TANC2: variants seen among roughly 807,000 people sequenced by gnomAD.
TANC2 encodes protein TANC2.
Under a neutral mutation model 210.5 loss-of-function variants are expected in TANC2, and 26 were observed. The ratio of observed to expected loss-of-function variants is 0.12; its 90% CI spans 0.09 to 0.17. The LOEUF is 0.17. Among genes scored for constraint, TANC2 ranks in the 10% least tolerant of loss-of-function variants. TANC2 has a pLI of 1.00. For synonymous variants in TANC2, 931 were observed against 967.1 expected (o/e 0.96, Z 0.69); for missense variants, 2,129 against 2,608.9 (o/e 0.82, Z 4.01).
chr17:63,131,772 A>G (rs1265318356), intron 4 of TANC2, among the ~76,000 whole-genome samples: 1 of 152,194 alleles, frequency 6.6e-6, no homozygotes, highest in East Asian at 1.9e-4. Flanking sequence ...GAGAACCTGC[A>G]CTTTGAACAA....
chr17:63,417,092 G>A (rs556669209), intron 26 of TANC2, among the ~76,000 whole-genome samples: 8 of 152,326 alleles, frequency 5.3e-5, no homozygotes, highest in African/African-American at 1.9e-4. Flanking sequence ...CAGGGAGAGG[G>A]TGACCCATAA....
Position 63,421,819 on chromosome 17 carries a change from A to C in TANC2, c.6089A>C (p.Asp2030Ala). Reference sequence around the variant, plus strand: ...GTCAGCCAGGCCTCCTCCTATCCCGACGTGAAGGTAGCTCGGACTCTACCT... The same window carrying C: ...GTCAGCCAGGCCTCCTCCTATCCCGCCGTGAAGGTAGCTCGGACTCTACCT... The change falls in exon 28 of 28, where the codon GAC becomes GCC. Residue 2030 changes from aspartate to alanine, a missense_variant. Asp to Ala is a moderately radical substitution (Grantham distance 126). Transcript: ENST00000689528. This position sits in a 1 kb window ranked among gnomAD's most constrained non-coding sequence, Gnocchi z 6.9. 6.2e-7 allele frequency: 1 copy of C among 1,613,984 alleles called. No individual in the cohort carries two copies. The highest frequency in any genetic ancestry group is 8.5e-7 in the Non-Finnish European group (1 of 1,179,888).
intron 3 of TANC2, among the ~76,000 whole-genome samples, chr17:63,080,329 A>G (rs570664426): frequency 1.3e-5 from 2 of 152,316 alleles, no homozygotes; most frequent in African/African-American, 2.4e-5. Flanking sequence ...TATGTAAGCA[A>G]CTTACTTGGT....
intron 5 of TANC2, among the ~76,000 whole-genome samples, chr17:63,169,712 G>T (rs1323068036): frequency 1.3e-5 from 2 of 152,130 alleles, no homozygotes; most frequent in African/African-American, 2.4e-5. Context: ...TACTTGGGAG[G>T]CTGAGGCAGG....
At chr17:63,049,142 A>T (rs192503236) in intron 2 of TANC2, among the ~76,000 whole-genome samples, 161 of 152,318 alleles carry the variant, frequency 1.1e-3, no homozygotes, top group African/African-American at 3.7e-3. Flanking sequence ...ATGCAAATTA[A>T]TTAATTCAAC....
Position 63,267,662 on chromosome 17 carries a change from C to T in TANC2, c.1034-86C>T, listed in dbSNP as rs535941602. ...ATATATTTTTTGGCTGGAGTAAGCCCTGATTCCAAAGTTCCGGAGATACAG... is the reference window on the plus strand; with the variant it reads ...ATATATTTTTTGGCTGGAGTAAGCCTTGATTCCAAAGTTCCGGAGATACAG... On this transcript the variant is annotated intron_variant, in intron 8 of 27. Transcript: ENST00000689528. 11 of 1,447,196 alleles carry T rather than the reference C, an allele frequency of 7.6e-6. 1 individual carries two copies. In the South Asian group the frequency reaches 1.1e-4, roughly 15 times the overall value. 89.6% of individuals were successfully genotyped at this position (1,447,196 alleles called of 1,614,324 possible).
chr17:63,365,795 C>G (rs1362462554), intron 14 of TANC2, among the ~76,000 whole-genome samples: 2 of 152,036 alleles, frequency 1.3e-5, no homozygotes, highest in African/African-American at 4.8e-5. Flanking sequence ...CAGATCTCAG[C>G]TTAAATGCCA....
intron 9 of TANC2, among the ~76,000 whole-genome samples, chr17:63,279,778 G>A (rs906193265): frequency 6.6e-6 from 1 of 152,076 alleles, no homozygotes; most frequent in Non-Finnish European, 1.5e-5. Flanking sequence ...TTCCCAAGGA[G>A]TCCCCCCCAC....
intron 2 of TANC2, 148 bp downstream of exon 2, chr17:63,009,774 T>A (rs745506631): frequency 7.6e-6 from 5 of 654,966 alleles, no homozygotes; most frequent in Non-Finnish European, 1.3e-5. Flanking sequence ...ATACGCTTTA[T>A]TAAGAGGTAG....
intron 1 of TANC2, among the ~76,000 whole-genome samples, chr17:62,981,633 A>G (rs1041395341): frequency 6.6e-6 from 1 of 152,144 alleles, no homozygotes; most frequent in Non-Finnish European, 1.5e-5. Context: ...ACTACCTTGA[A>G]TTAGGCCAGA....
At chr17:63,226,682 C>T (rs2145972823) in intron 7 of TANC2, among the ~76,000 whole-genome samples, 1 of 152,238 alleles carries the variant, frequency 6.6e-6, no homozygotes, top group East Asian at 1.9e-4. Flanking sequence ...TAGCAATTTG[C>T]TCCACCTATC....
At chr17:62,990,508 C>T (rs576379429) in intron 1 of TANC2, among the ~76,000 whole-genome samples, 1 of 152,022 alleles carries the variant, frequency 6.6e-6, no homozygotes, top group East Asian at 1.9e-4. Flanking sequence ...TGGTCTTGAA[C>T]TCCTAGCTCG....
intron 9 of TANC2, among the ~76,000 whole-genome samples, chr17:63,294,161 C>T (rs2044465765): frequency 6.6e-6 from 1 of 152,152 alleles, no homozygotes; most frequent in South Asian, 2.1e-4. Flanking sequence ...TGATTAAAGA[C>T]TGGAGGAGTT....
intron 11 of TANC2, among the ~76,000 whole-genome samples, chr17:63,337,347 A>G (rs980452185): frequency 3.3e-5 from 5 of 152,072 alleles, no homozygotes; most frequent in Middle Eastern, 3.2e-3. Context: ...TTTTACTATA[A>G]TTCTAAGTAG....
intron 1 of TANC2, among the ~76,000 whole-genome samples, chr17:62,988,268 C>T (rs1000938924): frequency 6.7e-6 from 1 of 149,676 alleles, no homozygotes; most frequent in Non-Finnish European, 1.5e-5. Context: ...GCTGGGATTA[C>T]AGGCGTGCAC....
chr17:63,120,309 A>G (rs1396871599), intron 4 of TANC2, among the ~76,000 whole-genome samples: 3 of 152,114 alleles, frequency 2.0e-5, no homozygotes, highest in Admixed American at 2.0e-4. Context: ...TCCTTTTATA[A>G]TAATCCCTAT....
intron 3 of TANC2, among the ~76,000 whole-genome samples, chr17:63,095,576 T>G (rs572214085): frequency 2.0e-4 from 30 of 152,112 alleles, no homozygotes; most frequent in Non-Finnish European, 3.5e-4. Flanking sequence ...CTTCAGTGAC[T>G]GGGCCCAATA....
At chr17:63,290,537 T>C (rs895726784) in intron 9 of TANC2, among the ~76,000 whole-genome samples, 1 of 152,184 alleles carries the variant, frequency 6.6e-6, no homozygotes, top group East Asian at 1.9e-4. Flanking sequence ...CCTTCTTACA[T>C]TGTGGCCTGG....
intron 7 of TANC2, among the ~76,000 whole-genome samples, chr17:63,230,574 C>G (rs531293668): frequency 1.2e-4 from 18 of 152,072 alleles, no homozygotes; most frequent in Non-Finnish European, 1.9e-4. Flanking sequence ...TGTTCAATTT[C>G]CATGTAGTTG....
Sources: allele counts gnomAD v4.1 joint callset (sites outside exome capture counted in the v4.1 genomes callset), GRCh38; gene constraint gnomAD v4.1.1; non-coding constraint Gnocchi (gnomAD v3.1); transcripts MANE v1.5; gene names NCBI Gene and HGNC (gene_info 2026-07-23, HGNC 2026-07-21).